FRMPD1: variants seen among roughly 807,000 people sequenced by gnomAD.
FRMPD1 encodes FERM and PDZ domain-containing protein 1.
In FRMPD1, 76 loss-of-function variants were observed where a neutral mutation model predicts 117.8. The ratio of observed to expected loss-of-function variants is 0.65; its 90% CI spans 0.54 to 0.78. The LOEUF is 0.78. FRMPD1 is among the 30% of genes least tolerant of loss of function. The pLI is 0.00. For synonymous variants in FRMPD1, 783 were observed against 770.4 expected (o/e 1.02, Z -0.27); for missense variants, 1,786 against 1,964.5 (o/e 0.91, Z 1.72).
intron 1 of FRMPD1, among the ~76,000 whole-genome samples, chr9:37,656,752 T>G (rs1162783973): frequency 6.6e-6 from 1 of 152,132 alleles, no homozygotes; most frequent in Non-Finnish European, 1.5e-5. Flanking sequence ...GACTAGGTGC[T>G]TGGCAGATTG....
chr9:37,690,468 A>T (rs1303140285), intron 1 of FRMPD1, among the ~76,000 whole-genome samples: 1 of 151,688 alleles, frequency 6.6e-6, no homozygotes, highest in Non-Finnish European at 1.5e-5. Context: ...TCTGTTTTTT[A>T]TAATGCATGC....
intron 1 of FRMPD1, among the ~76,000 whole-genome samples, chr9:37,659,930 A>C (rs1465988755): frequency 2.7e-4 from 40 of 150,522 alleles, no homozygotes; most frequent in East Asian, 1.2e-3. Flanking sequence ...AAAAAAAAAA[A>C]AAAACAAAAC....
chr9:37,736,255 C>G (rs188397725), intron 13 of FRMPD1, among the ~76,000 whole-genome samples: 37 of 151,950 alleles, frequency 2.4e-4, no homozygotes, highest in Non-Finnish European at 4.6e-4. Flanking sequence ...CCCGCCTTGG[C>G]CTCCCAAAGT....
the FRMPD1 span, among the ~76,000 whole-genome samples, chr9:37,613,498 A>T: frequency 6.6e-6 from 1 of 152,250 alleles, no homozygotes; most frequent in South Asian, 2.1e-4. Flanking sequence ...ACAACAAATC[A>T]TATGATACTT....
intron 2 of FRMPD1, among the ~76,000 whole-genome samples, chr9:37,705,707 G>A (rs891628028): frequency 2.0e-5 from 3 of 152,070 alleles, no homozygotes; most frequent in Admixed American, 1.3e-4. Context: ...GCTGGGTGCG[G>A]TGGCTCCTGC....
intron 11 of FRMPD1, 32 bp from the exon 12 acceptor site, chr9:37,733,698 C>T: frequency 6.3e-7 from 1 of 1,581,372 alleles, no homozygotes; most frequent in South Asian, 1.1e-5. Context: ...ATGAATAACT[C>T]TGACTTCAAG....
chr9:37,661,680 G>C (rs745990091), intron 1 of FRMPD1: 1 of 152,168 alleles, frequency 6.6e-6, no homozygotes, highest in Non-Finnish European at 1.5e-5. Flanking sequence ...GAATTTGAAG[G>C]TTGCTTCCCC....
intron 1 of FRMPD1, among the ~76,000 whole-genome samples, chr9:37,686,744 C>G (rs1821961559): frequency 1.3e-5 from 2 of 152,194 alleles, no homozygotes; most frequent in Admixed American, 1.3e-4. Flanking sequence ...TAAAAAGTAA[C>G]CACTGTAGTT....
intron 1 of FRMPD1, among the ~76,000 whole-genome samples, chr9:37,672,919 T>G (rs924226223): frequency 4.6e-5 from 7 of 152,132 alleles, no homozygotes; most frequent in Non-Finnish European, 1.5e-5. Context: ...TCCCAGAACA[T>G]GTGGGAATTC....
chr9:37,743,268 T>C (rs1484106111), intron 15 of FRMPD1, among the ~76,000 whole-genome samples: 1 of 152,196 alleles, frequency 6.6e-6, no homozygotes, highest in Non-Finnish European at 1.5e-5. Context: ...GCAGAGGCCT[T>C]GTGCTGGGTG....
intron 6 of FRMPD1, among the ~76,000 whole-genome samples, chr9:37,721,253 CAAGT>C (rs773318307): frequency 3.3e-5 from 5 of 152,204 alleles, no homozygotes; most frequent in Non-Finnish European, 7.3e-5. Flanking sequence ...GATAGCAAAA[CAAGT>C]AAGAGTTCAT....
chr9:37,638,711 A>G, the FRMPD1 span, among the ~76,000 whole-genome samples: 1 of 152,184 alleles, frequency 6.6e-6, no homozygotes, highest in Non-Finnish European at 1.5e-5. Context: ...TGGGCTTACT[A>G]AAAATTCTGC....
At chr9:37,725,033 G>A (rs1166729761) in intron 7 of FRMPD1, among the ~76,000 whole-genome samples, 4 of 152,184 alleles carry the variant, frequency 2.6e-5, no homozygotes, top group African/African-American at 7.2e-5. Flanking sequence ...GCAGTTGAGG[G>A]TAGGGTACAT....
the FRMPD1 span, chr9:37,637,196 T>A: frequency 6.2e-7 from 1 of 1,610,356 alleles, no homozygotes; most frequent in South Asian, 1.1e-5. Flanking sequence ...GCTCTCTGTG[T>A]AAGGGTCATC....
intron 1 of FRMPD1, among the ~76,000 whole-genome samples, chr9:37,676,049 C>T (rs1009301561): frequency 6.6e-5 from 10 of 152,168 alleles, no homozygotes; most frequent in African/African-American, 2.4e-4. Context: ...CTGCCTAAAC[C>T]CAGCATCCAT....
In FRMPD1 at chr9:37,665,383, G is replaced by A. The variant is rs148347738; in HGVS notation, c.-5+14289G>A. ...AAAAAGAGATAAGCTTTTGGAGAGC[G>A]TTGTTTGAGCGTCACTAGGTGGAAA... On this transcript the variant is annotated intron_variant, in intron 1 of 15. Transcript: ENST00000377765. Among the ~76,000 whole-genome samples the A allele has an allele frequency of 7.3e-4, 111 of 152,316 alleles. No homozygotes were observed. In the South Asian group the frequency reaches 0.01, roughly 14 times the overall value.
rs1824611199 is a variant in FRMPD1, at chr9:37,744,848, C to T, written c.2816C>T (p.Ser939Phe). The T allele has an allele frequency of 1.9e-6, 3 of 1,613,984 alleles. No individual in the cohort carries two copies. The highest frequency in any genetic ancestry group is 2.5e-6 in the Non-Finnish European group (3 of 1,179,944). ...AAATCAGTCATCGACTCTCGAGTGT[C>T]TTCTATTTCTGCCATTCGCTTCCGG... ...ETKSVIDSRV[S>F]SISAIRFRID... Residue 939 changes from serine (S) to phenylalanine (F), a missense_variant, in exon 16 of 16, where the codon TCT becomes TTT. Coordinates refer to ENST00000377765, the MANE Select transcript of FRMPD1 (RefSeq NM_014907.3).
chr9:37,606,414 T>C, the FRMPD1 span, among the ~76,000 whole-genome samples: 2,625 of 152,312 alleles, frequency 0.017, 79 homozygotes, highest in African/African-American at 0.06. Context: ...TGTATTGCCT[T>C]GTTTCACTCT....
intron 1 of FRMPD1, among the ~76,000 whole-genome samples, chr9:37,666,632 C>T (rs1336857629): frequency 6.6e-6 from 1 of 152,186 alleles, no homozygotes; most frequent in Admixed American, 6.5e-5. Flanking sequence ...CTACTTTATC[C>T]ACAGCTGGAT....
Sources: allele counts gnomAD v4.1 joint callset (sites outside exome capture counted in the v4.1 genomes callset), GRCh38; gene constraint gnomAD v4.1.1; transcripts MANE v1.5; gene names NCBI Gene and HGNC (gene_info 2026-07-23, HGNC 2026-07-21).